The following SOBP variants were observed in gnomAD, a reference collection of about 807,000 sequenced individuals.
SOBP encodes sine oculis binding protein homolog.
SOBP carries 4 observed loss-of-function variants against 53.6 expected under a neutral mutation model. The ratio of observed to expected loss-of-function variants is 0.07; its 90% CI spans 0.04 to 0.17. The LOEUF (loss-of-function observed/expected upper bound fraction) is 0.17, where lower values mean the gene tolerates loss of function less well. Among genes scored for constraint, SOBP ranks in the 10% least tolerant of loss-of-function variants. The probability of loss-of-function intolerance (pLI) is 1.00; values close to 1 mark genes in which losing one functional copy is unlikely to be tolerated. For synonymous variants in SOBP, 584 were observed against 522.6 expected (o/e 1.12, Z -1.60); for missense variants, 1,088 against 1,204.7 (o/e 0.90, Z 1.43).
At position 107,634,095 on chromosome 6, in the gene SOBP, C is replaced by T. The variant is rs763112693; in HGVS notation, c.1251C>T (p.His417=). Residue 417 remains histidine, a synonymous_variant, in exon 6 of 7, where the codon CAC becomes CAT. Transcript: ENST00000317357. This position sits in a 1 kb window ranked among gnomAD's most constrained non-coding sequence, Gnocchi z 4.5. ...IRPPFIRGPP[H]HASNPNSPLS... Reference sequence around the variant, plus strand: ...CGCCCTTCATCCGCGGGCCTCCGCACCATGCCTCCAACCCCAACAGCCCCC... The same window carrying T: ...CGCCCTTCATCCGCGGGCCTCCGCATCATGCCTCCAACCCCAACAGCCCCC... 1 of 1,601,234 alleles carries T rather than the reference C, an allele frequency of 6.2e-7. No individual in the cohort carries two copies. The highest frequency in any genetic ancestry group is 8.5e-7 in the Non-Finnish European group (1 of 1,173,374).
intron 5 of SOBP, among the ~76,000 whole-genome samples, chr6:107,603,032 A>G (rs1193042849): frequency 6.6e-6 from 1 of 152,006 alleles, no homozygotes; most frequent in Non-Finnish European, 1.5e-5. Context: ...GGGCAGATCT[A>G]CTGTGATTAA....
chr6:107,515,535 G>A (rs1464246998), intron 3 of SOBP, among the ~76,000 whole-genome samples: 1 of 152,148 alleles, frequency 6.6e-6, no homozygotes, highest in Admixed American at 6.5e-5. Flanking sequence ...GATCACTTGA[G>A]CTCAGGAGTT....
At chr6:107,591,251 T>C (rs79851990) in intron 5 of SOBP, among the ~76,000 whole-genome samples, 13,582 of 152,260 alleles carry the variant, frequency 0.089, 740 homozygotes, top group East Asian at 0.18. Flanking sequence ...CCTCAGAGCA[T>C]ATCATAAGGA....
At chr6:107,569,015 A>G (rs1784995924) in intron 4 of SOBP, among the ~76,000 whole-genome samples, 1 of 152,124 alleles carries the variant, frequency 6.6e-6, no homozygotes, top group South Asian at 2.1e-4. Context: ...CCTGGAAAAC[A>G]GTTGTTTTAA....
intron 5 of SOBP, among the ~76,000 whole-genome samples, chr6:107,595,495 A>G (rs899058379): frequency 7.9e-5 from 12 of 152,028 alleles, no homozygotes; most frequent in Admixed American, 7.2e-4. Context: ...TATGGGAGTC[A>G]GTCATATTCT....
intron 5 of SOBP, among the ~76,000 whole-genome samples, chr6:107,623,836 G>A (rs1770338304): frequency 6.6e-6 from 1 of 152,234 alleles, no homozygotes; most frequent in Non-Finnish European, 1.5e-5. Context: ...AGGCAGCATA[G>A]TAGAGTGAAA....
At position 107,505,310 on chromosome 6, in the gene SOBP, T is replaced by G. The variant is rs1356857915; in HGVS notation, c.236-932T>G. Among the ~76,000 whole-genome samples, 3 of 152,066 alleles carry G rather than the reference T, an allele frequency of 2.0e-5. No homozygotes were observed. The East Asian group carries it at 5.8e-4, about 29-fold the overall frequency. ...CATGGAAAAAAAGGTTAATTGCCTC[T>G]CAATTTTCTTTTCTTTCTTTTTTTT... is the stretch of plus-strand genomic sequence containing the variant. On this transcript the variant is annotated intron_variant, in intron 2 of 6. Coordinates refer to ENST00000317357, the MANE Select transcript of SOBP (RefSeq NM_018013.4).
intron 5 of SOBP, among the ~76,000 whole-genome samples, chr6:107,589,247 G>A (rs952320035): frequency 2.0e-5 from 3 of 152,302 alleles, no homozygotes; most frequent in South Asian, 2.1e-4. Flanking sequence ...TCTGGAGAAA[G>A]CACTGAGGGC....
At chr6:107,525,895 C>G (rs1281874097) in intron 3 of SOBP, among the ~76,000 whole-genome samples, 3 of 152,152 alleles carry the variant, frequency 2.0e-5, no homozygotes, top group African/African-American at 7.2e-5. Context: ...TCTGATCCGT[C>G]CTGTTACTCC....
At chr6:107,535,809 C>T (rs1783981152) in intron 4 of SOBP, among the ~76,000 whole-genome samples, 1 of 151,944 alleles carries the variant, frequency 6.6e-6, no homozygotes, top group Non-Finnish European at 1.5e-5. Context: ...TCATTTAGGG[C>T]TTGGGTTTCC....
At chr6:107,560,399 C>G (rs1784740361) in intron 4 of SOBP, among the ~76,000 whole-genome samples, 1 of 152,092 alleles carries the variant, frequency 6.6e-6, no homozygotes, top group Non-Finnish European at 1.5e-5. Context: ...TCCACCTGCT[C>G]CCTTTCCAGG....
intron 2 of SOBP, among the ~76,000 whole-genome samples, chr6:107,505,187 GT>G (rs1411165182): frequency 6.6e-6 from 1 of 152,110 alleles, no homozygotes; most frequent in Non-Finnish European, 1.5e-5. Context: ...TATGATACAA[GT>G]TTATAATACA....
chr6:107,496,766 C>CT (rs1348748360), intron 1 of SOBP, among the ~76,000 whole-genome samples: 4 of 152,208 alleles, frequency 2.6e-5, no homozygotes, highest in African/African-American at 7.2e-5. Context: ...AGTGGGTCAT[C>CT]TGTGGGGGTG....
intron 4 of SOBP, among the ~76,000 whole-genome samples, chr6:107,538,967 C>T (rs999354729): frequency 6.6e-6 from 1 of 151,814 alleles, no homozygotes; most frequent in Non-Finnish European, 1.5e-5. Flanking sequence ...GACACACAGG[C>T]TCTTGAGGAG....
intron 4 of SOBP, among the ~76,000 whole-genome samples, chr6:107,571,464 A>T (rs1288548449): frequency 6.6e-6 from 1 of 152,170 alleles, no homozygotes; most frequent in Non-Finnish European, 1.5e-5. Context: ...GGCTGAGGAG[A>T]AGCCCAGTCG....
intron 5 of SOBP, among the ~76,000 whole-genome samples, chr6:107,625,598 C>T (rs753350256): frequency 1.1e-4 from 17 of 152,178 alleles, no homozygotes; most frequent in Non-Finnish European, 1.8e-4. Context: ...CAGCACACAA[C>T]GTAAGCTTGG....
intron 3 of SOBP, among the ~76,000 whole-genome samples, chr6:107,507,387 C>A (rs1307179273): frequency 6.6e-6 from 1 of 152,064 alleles, no homozygotes; most frequent in Non-Finnish European, 1.5e-5. Flanking sequence ...CTCACTGCAA[C>A]CTCTGCCTCC....
chr6:107,492,603 A>G (rs1782607345), intron 1 of SOBP, among the ~76,000 whole-genome samples: 1 of 152,206 alleles, frequency 6.6e-6, no homozygotes, highest in Admixed American at 6.5e-5. Context: ...TGTTTGTCTG[A>G]ACTGGTGAGG....
chr6:107,656,323 GAAAGAAAGAAAGAAAGAAAGAGAAAGAA>G (rs1772048611), intron 6 of SOBP, among the ~76,000 whole-genome samples: 1 of 9,104 alleles, frequency 1.1e-4, no homozygotes, highest in African/African-American at 3.0e-4. Flanking sequence ...AAGAAAGAAA[GAAAGAAAGAAAGAAAGAAAGAGAAAGAA>G]AGAAAGAAAG....
Sources: gnomAD v4.1 joint callset for allele counts (sites outside exome capture counted in the v4.1 genomes callset) on GRCh38, gnomAD v4.1.1 for gene constraint, Gnocchi (gnomAD v3.1) non-coding constraint, MANE v1.5 for transcripts, NCBI Gene and HGNC (gene_info 2026-07-23, HGNC 2026-07-21) for gene names.